The following ZNF417 variants were observed in gnomAD, a reference collection of about 807,000 sequenced individuals.
ZNF417 encodes the protein zinc finger protein 417.
Under a neutral mutation model 7.4 loss-of-function variants are expected in ZNF417, and 5 were observed. The ratio of observed to expected loss-of-function variants is 0.68; its 90% CI spans 0.35 to 1.43. ZNF417 has a LOEUF of 1.43. Among genes scored for constraint, ZNF417 ranks in the 40% most tolerant of loss-of-function variants. ZNF417 has a pLI of 0.04. For missense variants in ZNF417, 437 were observed against 697.3 expected (o/e 0.63, Z 4.20); for synonymous variants, 147 against 239.1 (o/e 0.61, Z 3.55).
In ZNF417 at chr19:57,905,975, G is replaced by T. The variant is rs1359124797; in HGVS notation, c.*2575C>A. 6.6e-6 allele frequency among the ~76,000 whole-genome samples: 1 copy of T among 151,628 alleles called. No individual in the cohort carries two copies. The highest frequency in any genetic ancestry group is 2.4e-5 in the African/African-American group (1 of 41,252). Reference sequence around the variant, plus strand: ...TGTAGTTTATGAAGAAAAAAGTTTTGTTTTTTTTGAGGCAGGGCCTTGCTC... The same window carrying T: ...TGTAGTTTATGAAGAAAAAAGTTTTTTTTTTTTTGAGGCAGGGCCTTGCTC... On this transcript the variant is annotated 3_prime_UTR_variant, in exon 3 of 3. Coordinates refer to ENST00000312026, the MANE Select transcript of ZNF417 (RefSeq NM_152475.3).
intron 2 of ZNF417, among the ~76,000 whole-genome samples, chr19:57,910,957 A>C (rs2071894192): frequency 6.6e-6 from 1 of 152,196 alleles, no homozygotes; most frequent in African/African-American, 2.4e-5. Flanking sequence ...AGGCAGGAAA[A>C]TCACTTCAAC....
Position 57,916,575 on chromosome 19 carries a change from C to G in ZNF417, c.-164G>C, listed in dbSNP as rs2071952848. The G allele has an allele frequency of 6.8e-7, 1 of 1,480,070 alleles. No individual in the cohort carries two copies. The highest frequency in any genetic ancestry group is 1.3e-5 in the South Asian group (1 of 74,640). 91.7% of individuals were successfully genotyped at this position (1,480,070 alleles called of 1,614,324 possible). ...CAAACTGGGGAAACACCCGCGTCAC[C>G]GATACACAGCCGCTACTAGAGACCC... On this transcript the variant is annotated 5_prime_UTR_variant, in exon 1 of 3. Coordinates refer to ENST00000312026, the MANE Select transcript of ZNF417 (RefSeq NM_152475.3).
At position 57,908,246 on chromosome 19, in the gene ZNF417, AC is replaced by A. The variant is rs1408888320; in HGVS notation, c.*303del. ...GCTCATAGCTCTTGTGGTACTGAAA[AC>A]CAAGTATTTGGCCGGGCATGGTGTG... On this transcript the variant is annotated 3_prime_UTR_variant, in exon 3 of 3. Coordinates refer to ENST00000312026, the MANE Select transcript of ZNF417 (RefSeq NM_152475.3). The A allele has an allele frequency of 2.3e-6, 1 of 439,790 alleles. No homozygotes were observed. Among genetic ancestry groups the A allele is most frequent in the East Asian group, 4.5e-5 (1 of 22,326 alleles). 27.2% of individuals were successfully genotyped at this position (439,790 alleles called of 1,614,324 possible).
In ZNF417 at chr19:57,916,519, A is replaced by C; in HGVS notation, c.-108T>G. ...TCCTCTCCACCTTCTAGGTTCAGTC[A>C]CCGCGGTCCCCCCCCAGCACTCAGG... On this transcript the variant is annotated 5_prime_UTR_variant, in exon 1 of 3. Coordinates refer to ENST00000312026, the MANE Select transcript of ZNF417 (RefSeq NM_152475.3). 1.3e-6 allele frequency: 2 copies of C among 1,585,362 alleles called. No individual in the cohort carries two copies. Among genetic ancestry groups the C allele is most frequent in the Non-Finnish European group, 8.6e-7 (1 of 1,166,286 alleles).
chr19:57,912,472 G>A (rs1441212825), intron 1 of ZNF417, among the ~76,000 whole-genome samples: 1 of 152,172 alleles, frequency 6.6e-6, no homozygotes, highest in Non-Finnish European at 1.5e-5. Context: ...CAGGGCAGCT[G>A]CCTGAGCCCA....
At chr19:57,914,052 C>A (rs2071922403) in intron 1 of ZNF417, among the ~76,000 whole-genome samples, 1 of 152,190 alleles carries the variant, frequency 6.6e-6, no homozygotes, top group Non-Finnish European at 1.5e-5. Flanking sequence ...CAAAACAACA[C>A]TCTTGATATC....
In ZNF417 at chr19:57,905,992, G is replaced by GCCTT. The variant is rs1475585411; in HGVS notation, c.*2554_*2557dup. 4.6e-5 allele frequency among the ~76,000 whole-genome samples: 7 copies of GCCTT among 152,196 alleles called. No homozygotes were observed. Among genetic ancestry groups the GCCTT allele is most frequent in the African/African-American group, 1.7e-4 (7 of 41,520 alleles). The stretch of plus-strand genomic sequence containing the variant: ...AAAGTTTTGTTTTTTTTGAGGCAGG[G>GCCTT]CCTTGCTCTTTTGCCCAGGCTAGAG... On this transcript the variant is annotated 3_prime_UTR_variant, in exon 3 of 3. Coordinates refer to ENST00000312026, the MANE Select transcript of ZNF417 (RefSeq NM_152475.3).
intron 1 of ZNF417, among the ~76,000 whole-genome samples, chr19:57,913,585 T>G (rs1470957739): frequency 6.6e-6 from 1 of 152,160 alleles, no homozygotes; most frequent in Non-Finnish European, 1.5e-5. Context: ...CTCAAAACGT[T>G]TATGAATCCA....
At chr19:57,911,064 A>C (rs2071894922) in intron 2 of ZNF417, among the ~76,000 whole-genome samples, 1 of 152,174 alleles carries the variant, frequency 6.6e-6, no homozygotes, top group African/African-American at 2.4e-5. Context: ...TAAATATAGA[A>C]GCATATGTCA....
In ZNF417 at chr19:57,906,492, G is replaced by A. The variant is rs146182111; in HGVS notation, c.*2058C>T. Reference sequence around the variant, plus strand: ...GATTTCTAGGGATAAGCCGAGTGCCGTGGCAGATGCCTGTAATCCCAGCAC... The same window carrying A: ...GATTTCTAGGGATAAGCCGAGTGCCATGGCAGATGCCTGTAATCCCAGCAC... On this transcript the variant is annotated 3_prime_UTR_variant, in exon 3 of 3. Coordinates refer to ENST00000312026, the MANE Select transcript of ZNF417 (RefSeq NM_152475.3). Among the ~76,000 whole-genome samples, 9 of 152,080 alleles carry A rather than the reference G, an allele frequency of 5.9e-5. No individual in the cohort carries two copies. The highest frequency in any genetic ancestry group is 2.1e-4 in the South Asian group (1 of 4,818).
chr19:57,908,916 A>G lies in ZNF417; in HGVS notation c.1362T>C (p.His454=). 4 of 1,614,000 alleles carry G rather than the reference A, an allele frequency of 2.5e-6. No homozygotes were observed. The highest frequency in any genetic ancestry group is 2.2e-5 in the South Asian group (2 of 91,084). ...LFNRKYHLLV[H]ERVHTGERPY... is the part of the protein sequence containing the mutation. ...GCCTTTCTCCAGTGTGAACTCTCTC[A>G]TGAACGAGAAGATGATACTTCCTGT... is the stretch of plus-strand genomic sequence containing the variant. Residue 454 remains histidine (H), a synonymous_variant, in exon 3 of 3, where the codon CAT becomes CAC. Transcript: ENST00000312026.
In ZNF417 at chr19:57,908,307, G is replaced by C; in HGVS notation, c.*243C>G. On this transcript the variant is annotated 3_prime_UTR_variant, in exon 3 of 3. Transcript: ENST00000312026. ...TAATCTCAGCTCCTTGGGAGGCTGA[G>C]GTAGGAGAATCACTTGAACCTGGGA... is the stretch of plus-strand genomic sequence containing the variant. 3 of 615,306 alleles carry C rather than the reference G, an allele frequency of 4.9e-6. No individual in the cohort carries two copies. Among genetic ancestry groups the C allele is most frequent in the Non-Finnish European group, 8.3e-6 (3 of 362,372 alleles). 38.1% of individuals were successfully genotyped at this position (615,306 alleles called of 1,614,324 possible).
intron 2 of ZNF417, among the ~76,000 whole-genome samples, chr19:57,911,612 G>GT (rs764484253): frequency 1.3e-5 from 2 of 152,186 alleles, no homozygotes; most frequent in Non-Finnish European, 2.9e-5. Context: ...GGAGAGTAAG[G>GT]TAAGTATTAC....
rs553989993 is a variant in ZNF417, at chr19:57,908,921, C to G, written c.1357G>C (p.Val453Leu). The G allele has an allele frequency of 6.2e-7, 1 of 1,612,922 alleles. No homozygotes were observed. Among genetic ancestry groups the G allele is most frequent in the Non-Finnish European group, 8.5e-7 (1 of 1,179,538 alleles). ...KLFNRKYHLL[V>L]HERVHTGERP... ...TCTCCAGTGTGAACTCTCTCATGAACGAGAAGATGATACTTCCTGTTAAAT... is the reference window on the plus strand; with the variant it reads ...TCTCCAGTGTGAACTCTCTCATGAAGGAGAAGATGATACTTCCTGTTAAAT... Residue 453 changes from valine (V) to leucine (L), a missense_variant, in exon 3 of 3, where the codon GTT (valine) becomes CTT (leucine). Transcript: ENST00000312026.
At chr19:57,912,761 A>C (rs2071910399) in intron 1 of ZNF417, among the ~76,000 whole-genome samples, 1 of 150,606 alleles carries the variant, frequency 6.6e-6, no homozygotes, top group African/African-American at 2.4e-5. Context: ...GCCACGCACC[A>C]CTATACCCGG....
intron 1 of ZNF417, among the ~76,000 whole-genome samples, chr19:57,912,511 T>A (rs1010026886): frequency 6.6e-6 from 1 of 152,110 alleles, no homozygotes; most frequent in Non-Finnish European, 1.5e-5. Flanking sequence ...TAAATATACA[T>A]CATTCTTTAT....
Position 57,906,823 on chromosome 19 carries a change from A to G in ZNF417, c.*1727T>C, listed in dbSNP as rs1346785461. 2 of 149,930 alleles carry G rather than the reference A, an allele frequency of 1.3e-5. No homozygotes were observed. The highest frequency in any genetic ancestry group is 6.6e-5 in the Admixed American group (1 of 15,048). The allele number at this position is 149,930 out of a possible 1,614,324, so 9.3% of individuals were successfully genotyped here. On this transcript the variant is annotated 3_prime_UTR_variant, in exon 3 of 3. Coordinates refer to ENST00000312026, the MANE Select transcript of ZNF417 (RefSeq NM_152475.3). ...AAGCCCATATAACCTGCTGTTATAA[A>G]AGGTAACATTTAGGGATTGAGATTT...
chr19:57,915,688 C>A, intron 1 of ZNF417: 1 of 397,112 alleles, frequency 2.5e-6, no homozygotes, highest in Non-Finnish European at 4.4e-6. Flanking sequence ...TGATAATAGC[C>A]CTTTCCTGAA....
At position 57,907,659 on chromosome 19, in the gene ZNF417, T is replaced by C. The variant is rs1386244839; in HGVS notation, c.*891A>G. Reference sequence around the variant, plus strand: ...ACAGTGGTTACTTGCCAAATTCACATTTACGGCCAAAACTGTGGCTACAGT... The same window carrying C: ...ACAGTGGTTACTTGCCAAATTCACACTTACGGCCAAAACTGTGGCTACAGT... On this transcript the variant is annotated 3_prime_UTR_variant, in exon 3 of 3. Transcript: ENST00000312026. 1 of 154,896 alleles carries C rather than the reference T, an allele frequency of 6.5e-6. No individual in the cohort carries two copies. The highest frequency in any genetic ancestry group is 1.5e-5 in the Non-Finnish European group (1 of 68,248). The allele number at this position is 154,896 out of a possible 1,614,324, so 9.6% of individuals were successfully genotyped here. A position where few individuals can be genotyped will look rare whatever the true frequency, so the allele number is the denominator to read the frequency against.
Sources: allele counts gnomAD v4.1 joint callset (sites outside exome capture counted in the v4.1 genomes callset), GRCh38; gene constraint gnomAD v4.1.1; transcripts MANE v1.5; gene names NCBI Gene and HGNC (gene_info 2026-07-23, HGNC 2026-07-21).